The following MOV10 variants were observed in gnomAD, a reference collection of about 807,000 sequenced individuals.
MOV10 encodes the protein Mov10 RNA helicase.
Under a neutral mutation model 108.4 loss-of-function variants are expected in MOV10, and 39 were observed. The ratio of observed to expected loss-of-function variants is 0.36; its 90% CI spans 0.28 to 0.47. The LOEUF is 0.47. Among genes scored for constraint, MOV10 ranks in the 20% least tolerant of loss-of-function variants. The probability of loss-of-function intolerance (pLI) is 1.00; values close to 1 mark genes in which losing one functional copy is unlikely to be tolerated. For missense variants in MOV10, 952 were observed against 1,297.6 expected (o/e 0.73, Z 4.09); for synonymous variants, 490 against 523.1 (o/e 0.94, Z 0.86).
chr1:112,694,234 G>A lies in MOV10; in HGVS notation c.1295+62G>A, dbSNP rs1673854574. The A allele has an allele frequency of 6.3e-7, 1 of 1,589,018 alleles. No individual in the cohort carries two copies. Among genetic ancestry groups the A allele is most frequent in the African/African-American group, 1.3e-5 (1 of 74,466 alleles). ...CTACAGACTTCTGACCCCAGGGGAGGAGGAGTGTTTCTCCCTGAGATAAAT... is the reference window on the plus strand; with the variant it reads ...CTACAGACTTCTGACCCCAGGGGAGAAGGAGTGTTTCTCCCTGAGATAAAT... On this transcript the variant is annotated intron_variant, in intron 8 of 20. Coordinates refer to ENST00000369645, the MANE Select transcript of MOV10 (RefSeq NM_001321324.2). This position sits in a 1 kb window ranked among gnomAD's most constrained non-coding sequence, Gnocchi z 4.1.
chr1:112,697,806 T>G, intron 14 of MOV10, 188 bp from the exon 15 acceptor site: 1 of 638,546 alleles, frequency 1.6e-6, no homozygotes, highest in South Asian at 1.8e-5. Context: ...TCTCTGGAAC[T>G]ATATTTGGTT....
chr1:112,676,264 T>C (rs572370291), intron 2 of MOV10, among the ~76,000 whole-genome samples: 1 of 152,194 alleles, frequency 6.6e-6, no homozygotes, highest in African/African-American at 2.4e-5. Flanking sequence ...ATGTACACAA[T>C]ATAGGATAGT....
rs1270478220 is a variant in MOV10 at position 112,695,581 on chromosome 1, G to T, written c.1779+7G>T. The T allele has an allele frequency of 2.5e-6, 4 of 1,612,788 alleles. No individual in the cohort carries two copies. The East Asian group carries it at 8.9e-5, about 36-fold the overall frequency. On this transcript the variant is annotated splice_region_variant and intron_variant, in intron 11 of 20. Coordinates refer to ENST00000369645, the MANE Select transcript of MOV10 (RefSeq NM_001321324.2). ...GGTACCTGAGGACATCAAGGTACTAGGGAAGTGCAGAGGGCCAAAGAATGG... is the reference window on the plus strand; with the variant it reads ...GGTACCTGAGGACATCAAGGTACTATGGAAGTGCAGAGGGCCAAAGAATGG...
chr1:112,692,325 G>C (rs1201095966), intron 6 of MOV10, among the ~76,000 whole-genome samples: 1 of 152,200 alleles, frequency 6.6e-6, no homozygotes, highest in Non-Finnish European at 1.5e-5. Flanking sequence ...GACAGAGCAA[G>C]ATCTTGTCTC....
chr1:112,695,463 C>A lies in MOV10; in HGVS notation c.1668C>A (p.Ser556=). The change falls in exon 11 of 21, where the codon TCC becomes TCA. Residue 556 remains serine, a synonymous_variant. Transcript: ENST00000369645. ...CCCACATCTTGGCCTGCGCTCCATCCAACTCAGGGGCTGACCTACTCTGTC... is the reference window on the plus strand; with the variant it reads ...CCCACATCTTGGCCTGCGCTCCATCAAACTCAGGGGCTGACCTACTCTGTC... The part of the protein sequence containing the change: ...PKAHILACAP[S]NSGADLLCQR... The A allele has an allele frequency of 6.2e-7, 1 of 1,614,204 alleles. No homozygotes were observed. The highest frequency in any genetic ancestry group is 1.1e-5 in the South Asian group (1 of 91,080).
rs984338977 is a variant in MOV10 at position 112,689,528 on chromosome 1, C to A, written c.455C>A (p.Thr152Asn). 1 of 1,614,170 alleles carries A rather than the reference C, an allele frequency of 6.2e-7. No individual in the cohort carries two copies. Among genetic ancestry groups the A allele is most frequent in the East Asian group, 2.2e-5 (1 of 44,882 alleles). ...RLDLNRKEVL[T>N]LRLRNGGTQS... is the part of the protein sequence containing the mutation. ...GATTTGAACCGCAAAGAGGTGCTGA[C>A]CCTGAGGCTTCGGAATGGCGGAACC... The change falls in exon 4 of 21, where the codon ACC (threonine) becomes AAC (asparagine). Residue 152 changes from threonine to asparagine, a missense_variant. Thr to Asn is a moderately conservative substitution (Grantham distance 65, BLOSUM62 0). Transcript: ENST00000369645.
rs762575240 is a variant in MOV10 at position 112,698,084 on chromosome 1, C to G, written c.2289C>G (p.Phe763Leu). 5 of 1,614,208 alleles carry G rather than the reference C, an allele frequency of 3.1e-6. No individual in the cohort carries two copies. The highest frequency in any genetic ancestry group is 4.2e-6 in the Non-Finnish European group (5 of 1,180,040). The change falls in exon 15 of 21, where the codon TTC becomes TTG. Residue 763 changes from phenylalanine to leucine, a missense_variant. Phe to Leu is a conservative substitution (Grantham distance 22). This residue lies in a region of MOV10 where 453 missense variants were observed against 611.5 expected (regional missense o/e 0.74). Transcript: ENST00000369645. Reference protein sequence around the residue: ...ACADVVDRERFCRWAGLPRQG... With the variant: ...ACADVVDRERLCRWAGLPRQG... The stretch of plus-strand genomic sequence containing the variant: ...CTGATGTCGTGGATCGAGAACGCTT[C>G]TGCCGCTGGGCGGGCCTACCTCGAC...
At chr1:112,699,456 A>G in intron 17 of MOV10, 1 of 1,393,738 alleles carries the variant, frequency 7.2e-7, no homozygotes. Context: ...TTCTTTCCTT[A>G]GAACACTTTG....
chr1:112,700,214 C>G lies in MOV10; in HGVS notation c.2799-5C>G. 6.2e-7 allele frequency: 1 copy of G among 1,613,970 alleles called. No homozygotes were observed. The highest frequency in any genetic ancestry group is 8.5e-7 in the Non-Finnish European group (1 of 1,179,886). The stretch of plus-strand genomic sequence containing the variant: ...TCTCTGCTGGCACTCCTCTGTACCC[C>G]ACAGATTCCTGGAGTTCTGTAAAGA... On this transcript the variant is annotated splice_polypyrimidine_tract_variant and splice_region_variant and intron_variant, in intron 19 of 20. Coordinates refer to ENST00000369645, the MANE Select transcript of MOV10 (RefSeq NM_001321324.2).
At chr1:112,687,986 C>T (rs1200901245) in intron 2 of MOV10, among the ~76,000 whole-genome samples, 1 of 152,086 alleles carries the variant, frequency 6.6e-6, no homozygotes, top group Non-Finnish European at 1.5e-5. Context: ...GTAATGCCCA[C>T]TCATCCTCAG....
At chr1:112,693,248 A>G (rs1241526198) in intron 7 of MOV10, among the ~76,000 whole-genome samples, 2 of 152,228 alleles carry the variant, frequency 1.3e-5, no homozygotes, top group African/African-American at 4.8e-5. Flanking sequence ...TGGATTTTCA[A>G]TGTGTGCATA....
At chr1:112,678,628 G>A (rs558263006) in intron 2 of MOV10, among the ~76,000 whole-genome samples, 1 of 152,050 alleles carries the variant, frequency 6.6e-6, no homozygotes, top group South Asian at 2.1e-4. Context: ...AGGATTAATG[G>A]GACTTAGAAG....
intron 2 of MOV10, chr1:112,688,702 A>C: frequency 1.4e-6 from 2 of 1,422,426 alleles, no homozygotes; most frequent in Non-Finnish European, 1.8e-6. Context: ...TCCAGAACCC[A>C]CTGTTTAAAA....
Position 112,698,472 on chromosome 1 carries a change from G to T in MOV10, c.2502G>T (p.Arg834=). The T allele has an allele frequency of 6.2e-7, 1 of 1,613,846 alleles. No homozygotes were observed. Among genetic ancestry groups the T allele is most frequent in the South Asian group, 1.1e-5 (1 of 91,072 alleles). Residue 834 remains arginine (R), a synonymous_variant, in exon 16 of 21, where the codon CGG becomes CGT. Transcript: ENST00000369645. ...PRSVGVISPY[R]KQVEKIRYCI... is the part of the protein sequence containing the mutation. ...GTGTGGGCGTCATCTCCCCGTACCG[G>T]AAACAGGTCAGGTCCTCAGTTACCA... is the stretch of plus-strand genomic sequence containing the variant.
chr1:112,693,972 G>T, intron 7 of MOV10, 46 bp from the exon 8 acceptor site: 1 of 1,603,808 alleles, frequency 6.2e-7, no homozygotes, highest in Non-Finnish European at 8.5e-7. Context: ...GGGCCCTCCA[G>T]CGTCCATCCC....
intron 2 of MOV10, among the ~76,000 whole-genome samples, chr1:112,678,375 C>G (rs1323853707): frequency 6.6e-6 from 1 of 152,000 alleles, no homozygotes; most frequent in Non-Finnish European, 1.5e-5. Context: ...CTGAGTGCTT[C>G]CTATGAATGG....
chr1:112,680,612 T>C (rs199650429), intron 2 of MOV10, among the ~76,000 whole-genome samples: 22 of 119,452 alleles, frequency 1.8e-4, no homozygotes, highest in Non-Finnish European at 3.0e-4. Context: ...GCCGAGATTG[T>C]ACCACTGCAC....
Position 112,689,934 on chromosome 1 carries a change from G to A in MOV10, c.672G>A (p.Ser224=), listed in dbSNP as rs138014327. ...GGGAGCTGCTGGGACCTGGGGAGTCGGGTTCAGAAGGAGCCGGCACATTCT... is the reference window on the plus strand; with the variant it reads ...GGGAGCTGCTGGGACCTGGGGAGTCAGGTTCAGAAGGAGCCGGCACATTCT... ...VLWELLGPGE[S]GSEGAGTFYI... Residue 224 remains serine (S), a synonymous_variant, in exon 5 of 21, where the codon TCG becomes TCA. Transcript: ENST00000369645. 5.3e-5 allele frequency: 86 copies of A among 1,614,154 alleles called. No homozygotes were observed. In the South Asian group the frequency reaches 6.3e-4, roughly 12 times the overall value.
At chr1:112,689,262 G>A (rs1322959744) in intron 3 of MOV10, 124 bp downstream of exon 3, 1 of 1,230,810 alleles carries the variant, frequency 8.1e-7, no homozygotes, top group African/African-American at 1.5e-5. Flanking sequence ...CAGGGAATGG[G>A]GGAAGGGCAG....
Sources: allele counts gnomAD v4.1 joint callset (sites outside exome capture counted in the v4.1 genomes callset), GRCh38; gene constraint gnomAD v4.1.1; regional missense constraint gnomAD v4.1.1; non-coding constraint Gnocchi (gnomAD v3.1); transcripts MANE v1.5; gene names NCBI Gene and HGNC (gene_info 2026-07-23, HGNC 2026-07-21).